SNRNP48: variants seen among roughly 807,000 people sequenced by gnomAD.
SNRNP48 encodes the protein U11/U12 small nuclear ribonucleoprotein 48 kDa protein.
Under a neutral mutation model 47.0 loss-of-function variants are expected in SNRNP48, and 43 were observed. The ratio of observed to expected loss-of-function variants is 0.92; its 90% CI spans 0.72 to 1.18. The LOEUF is 1.18. Ranked by LOEUF, SNRNP48 falls within the 50% of genes most tolerant of loss-of-function variation. SNRNP48 has a pLI of 0.00. For synonymous variants in SNRNP48, 138 were observed against 144.0 expected (o/e 0.96, Z 0.30); for missense variants, 396 against 422.2 (o/e 0.94, Z 0.54).
Position 7,606,206 on chromosome 6 carries a change from C to T in SNRNP48, c.971+11C>T, listed in dbSNP as rs762676408. On this transcript the variant is annotated intron_variant, in intron 8 of 8. Transcript: ENST00000342415. Reference sequence around the variant, plus strand: ...AAGAAGGAAAGAGAGGTGGGTCTAACCCTGCATCATCCAACGTTGAATTCT... The same window carrying T: ...AAGAAGGAAAGAGAGGTGGGTCTAATCCTGCATCATCCAACGTTGAATTCT... 8.8e-6 allele frequency: 14 copies of T among 1,592,884 alleles called. No homozygotes were observed. The East Asian group carries it at 2.7e-4, about 31-fold the overall frequency.
At chr6:7,598,668 T>C (rs1258206073) in intron 4 of SNRNP48, among the ~76,000 whole-genome samples, 1 of 152,226 alleles carries the variant, frequency 6.6e-6, no homozygotes, top group African/African-American at 2.4e-5. Flanking sequence ...ATGACTAACA[T>C]GAAAAATTTT....
At chr6:7,596,026 G>C (rs1275139252) in intron 4 of SNRNP48, among the ~76,000 whole-genome samples, 1 of 152,204 alleles carries the variant, frequency 6.6e-6, no homozygotes, top group African/African-American at 2.4e-5. Context: ...CACTTTGGGA[G>C]GCCGAGGCAG....
chr6:7,603,828 G>A (rs1251709817), intron 6 of SNRNP48, among the ~76,000 whole-genome samples: 1 of 152,208 alleles, frequency 6.6e-6, no homozygotes, highest in Non-Finnish European at 1.5e-5. Context: ...TAGTCCCTAA[G>A]ATACTTGGCT....
chr6:7,591,074 C>T (rs903051523), intron 1 of SNRNP48, among the ~76,000 whole-genome samples: 2 of 152,184 alleles, frequency 1.3e-5, no homozygotes, highest in African/African-American at 4.8e-5. Context: ...TGTCTCAGAG[C>T]GCTGCAGAGG....
chr6:7,590,511 G>A (rs1759796782), intron 1 of SNRNP48, 98 bp downstream of exon 1: 1 of 1,210,820 alleles, frequency 8.3e-7, no homozygotes, highest in Non-Finnish European at 1.0e-6. Context: ...AGGGAAGGGC[G>A]AGGAGTCCTC....
chr6:7,591,897 T>C (rs1423854013), intron 1 of SNRNP48, among the ~76,000 whole-genome samples: 7 of 152,216 alleles, frequency 4.6e-5, no homozygotes, highest in African/African-American at 1.7e-4. Context: ...CTGTTCCTAG[T>C]TGTCACCTAG....
At chr6:7,592,312 G>A (rs186050114) in intron 1 of SNRNP48, among the ~76,000 whole-genome samples, 1 of 151,858 alleles carries the variant, frequency 6.6e-6, no homozygotes, top group African/African-American at 2.4e-5. Flanking sequence ...AGAGTAGAAT[G>A]GTGATGGTGG....
chr6:7,590,310 TG>T lies in SNRNP48; in HGVS notation c.54del (p.Asn19ThrfsTer14). On this transcript the variant is annotated frameshift_variant, in exon 1 of 9. Transcript: ENST00000342415. LOFTEE classifies it high-confidence loss of function. ...GAGCGGCGGCGGCTGCAGGAGGAGC[TG>T]AACGAGTTCGTGGAGAGCGGCTGCC... ...VEERRRLQEE[L>X]NEFVESGCRT... 1 of 1,398,502 alleles carries T rather than the reference TG, an allele frequency of 7.2e-7. No individual in the cohort carries two copies. The highest frequency in any genetic ancestry group is 9.4e-7 in the Non-Finnish European group (1 of 1,061,880). The allele number at this position is 1,398,502 out of a possible 1,614,324, so 86.6% of individuals were successfully genotyped here. A position where few individuals can be genotyped will look rare whatever the true frequency, so the allele number is the denominator to read the frequency against.
At chr6:7,597,967 G>A (rs985005355) in intron 4 of SNRNP48, among the ~76,000 whole-genome samples, 4 of 149,762 alleles carry the variant, frequency 2.7e-5, no homozygotes, top group South Asian at 2.1e-4. Flanking sequence ...CTGGGTTCAC[G>A]CCATTCTTCT....
chr6:7,599,564 G>A, intron 4 of SNRNP48: 5 of 557,654 alleles, frequency 9.0e-6, no homozygotes, highest in South Asian at 2.4e-5. Flanking sequence ...TTATGTAAAT[G>A]TAAGTTTATT....
At chr6:7,598,954 A>G (rs1230946044) in intron 4 of SNRNP48, among the ~76,000 whole-genome samples, 1 of 152,150 alleles carries the variant, frequency 6.6e-6, no homozygotes, top group African/African-American at 2.4e-5. Context: ...TCAATATTAA[A>G]TATTCAGGTT....
At chr6:7,590,869 T>G (rs929227899) in intron 1 of SNRNP48, among the ~76,000 whole-genome samples, 1 of 152,068 alleles carries the variant, frequency 6.6e-6, no homozygotes, top group African/African-American at 2.4e-5. Context: ...CCCCAGCTAT[T>G]TGGGAGGCTG....
rs1467944595 is a variant in SNRNP48 at position 7,605,426 on chromosome 6, T to C, written c.746T>C (p.Met249Thr). ...ATTCGAGATGTGATAAATGTGCACA[T>C]GGAAGAACTCAGCAATCATTGGCAA... is the stretch of plus-strand genomic sequence containing the variant. ...EVIRDVINVH[M>T]EELSNHWQEE... The change falls in exon 7 of 9, where the codon ATG (methionine) becomes ACG (threonine). Residue 249 changes from methionine (M) to threonine (T), a missense_variant. Physicochemically the swap from Met to Thr is moderately conservative, Grantham distance 81. Transcript: ENST00000342415. 4 of 1,613,952 alleles carry C rather than the reference T, an allele frequency of 2.5e-6. No individual in the cohort carries two copies. Among genetic ancestry groups the C allele is most frequent in the Non-Finnish European group, 3.4e-6 (4 of 1,179,968 alleles).
At chr6:7,591,794 T>C (rs1759823218) in intron 1 of SNRNP48, among the ~76,000 whole-genome samples, 1 of 152,218 alleles carries the variant, frequency 6.6e-6, no homozygotes, top group Non-Finnish European at 1.5e-5. Flanking sequence ...GAAGTGATAA[T>C]TTGTCGAAGG....
intron 8 of SNRNP48, among the ~76,000 whole-genome samples, chr6:7,608,419 T>G (rs1042180332): frequency 2.0e-5 from 3 of 151,874 alleles, no homozygotes; most frequent in African/African-American, 7.3e-5. Context: ...TAGCCAGGTG[T>G]GGTGGTTCGC....
intron 4 of SNRNP48, among the ~76,000 whole-genome samples, chr6:7,599,263 A>G (rs1011485167): frequency 2.6e-5 from 4 of 152,224 alleles, no homozygotes; most frequent in African/African-American, 9.6e-5. Flanking sequence ...CTTTGATGAC[A>G]AAAGTAACAA....
At chr6:7,596,217 G>C (rs1759902332) in intron 4 of SNRNP48, among the ~76,000 whole-genome samples, 1 of 151,818 alleles carries the variant, frequency 6.6e-6, no homozygotes. Context: ...ATTGAGCCAA[G>C]ATTGCACCAT....
At chr6:7,592,372 ATTTT>A (rs59852711) in intron 1 of SNRNP48, among the ~76,000 whole-genome samples, 1 of 139,248 alleles carries the variant, frequency 7.2e-6, no homozygotes, top group Non-Finnish European at 1.6e-5. Flanking sequence ...GAAAGTCTAG[ATTTT>A]TTTTTTTTTT....
intron 4 of SNRNP48, chr6:7,599,736 G>GTATCCTTTTTGCAAATGA (rs1395277798): frequency 1.6e-6 from 2 of 1,280,722 alleles, no homozygotes; most frequent in Admixed American, 4.7e-5. Flanking sequence ...AAGATATGCA[G>GTATCCTTTTTGCAAATGA]TATCCTTTTT....
Sources: gnomAD v4.1 joint callset for allele counts (sites outside exome capture counted in the v4.1 genomes callset) on GRCh38, gnomAD v4.1.1 for gene constraint, MANE v1.5 for transcripts, NCBI Gene and HGNC (gene_info 2026-07-23, HGNC 2026-07-21) for gene names.